UBL3: variants seen among roughly 807,000 people sequenced by gnomAD.
UBL3 encodes ubiquitin-like protein 3.
In UBL3, 6 loss-of-function variants were observed where a neutral mutation model predicts 18.4. That is an observed-to-expected ratio of 0.33 (90% confidence interval 0.18 to 0.64). UBL3 has a LOEUF of 0.64. UBL3 is among the 30% of genes least tolerant of loss of function. UBL3 has a pLI of 0.76. For synonymous variants in UBL3, 49 were observed against 46.6 expected (o/e 1.05, Z -0.21); for missense variants, 109 against 142.9 (o/e 0.76, Z 1.21).
chr13:29,810,070 T>C (rs1878003009), intron 1 of UBL3, among the ~76,000 whole-genome samples: 1 of 152,058 alleles, frequency 6.6e-6, no homozygotes. Context: ...ACTGTATATT[T>C]TAGGAGTAAA....
intron 1 of UBL3, among the ~76,000 whole-genome samples, chr13:29,837,460 T>C (rs1178377098): frequency 1.3e-5 from 2 of 151,724 alleles, no homozygotes; most frequent in African/African-American, 2.4e-5. Context: ...TGCTAGAAAA[T>C]CTCTAGGCTT....
At chr13:29,805,084 T>C (rs1261607505) in intron 1 of UBL3, among the ~76,000 whole-genome samples, 7 of 152,324 alleles carry the variant, frequency 4.6e-5, no homozygotes, top group Admixed American at 4.6e-4. Context: ...TTCAGAAATT[T>C]GGGACCATTT....
chr13:29,839,935 A>G (rs1469682985), intron 1 of UBL3, among the ~76,000 whole-genome samples: 1 of 147,564 alleles, frequency 6.8e-6, no homozygotes, highest in African/African-American at 2.5e-5. Flanking sequence ...TCGGGGGAAA[A>G]AAAAAAAAAA....
intron 1 of UBL3, 44 bp downstream of exon 1, chr13:29,849,467 TG>T (rs1419526014): frequency 1.2e-6 from 2 of 1,613,636 alleles, no homozygotes; most frequent in African/African-American, 2.7e-5. Flanking sequence ...TAAATAAGAT[TG>T]GAAACCACAA....
intron 1 of UBL3, among the ~76,000 whole-genome samples, chr13:29,796,145 GGCTGAA>G (rs2139328534): frequency 6.6e-6 from 1 of 152,226 alleles, no homozygotes; most frequent in Admixed American, 6.5e-5. Context: ...TTTGCTAAAA[GGCTGAA>G]GATGAGAGCT....
In UBL3 at chr13:29,816,754, C is replaced by CAA. The variant is rs57272367; in HGVS notation, c.27+32756_27+32757dup. Among the ~76,000 whole-genome samples, 266 of 42,560 alleles carry CAA rather than the reference C, an allele frequency of 6.3e-3. 10 individuals are homozygous for CAA. The highest frequency in any genetic ancestry group is 8.1e-3 in the Non-Finnish European group (152 of 18,656). 27.9% of individuals were successfully genotyped at this position (42,560 alleles called of 152,430 possible). ...TGGGTGACTGAGCAAGACCCTGTCT[C>CAA]AAAAAAAAAAAAAAAAAAAAAAAAA... is the stretch of plus-strand genomic sequence containing the variant. On this transcript the variant is annotated intron_variant, in intron 1 of 4. Transcript: ENST00000380680.
intron 1 of UBL3, among the ~76,000 whole-genome samples, chr13:29,780,390 A>ATATATG (rs755886113): frequency 7.4e-4 from 68 of 92,144 alleles, no homozygotes; most frequent in African/African-American, 1.3e-3. Context: ...ATATATATAT[A>ATATATG]TGTGTGTGTG....
intron 1 of UBL3, among the ~76,000 whole-genome samples, chr13:29,822,892 T>A (rs1417437523): frequency 6.6e-6 from 1 of 151,906 alleles, no homozygotes; most frequent in East Asian, 1.9e-4. Context: ...TTAGAACATT[T>A]CAAAATGAAT....
rs1877538989 is a variant in UBL3 at position 29,793,699 on chromosome 13, C to A, written c.28-16436G>T. 2.0e-5 allele frequency among the ~76,000 whole-genome samples: 3 copies of A among 152,108 alleles called. No individual in the cohort carries two copies. The South Asian group carries it at 6.2e-4, about 31-fold the overall frequency. ...ATGTGAGGGATGCCAGAAGTTGCTA[C>A]CATATATCAATGATAACTCAGAGTA... On this transcript the variant is annotated intron_variant, in intron 1 of 4. Transcript: ENST00000380680.
intron 1 of UBL3, among the ~76,000 whole-genome samples, chr13:29,826,768 T>A (rs1878631808): frequency 6.6e-6 from 1 of 152,194 alleles, no homozygotes; most frequent in Non-Finnish European, 1.5e-5. Context: ...TTCTTTTAAT[T>A]GTGATGTTAG....
chr13:29,819,788 C>T (rs2139348167), intron 1 of UBL3, among the ~76,000 whole-genome samples: 1 of 152,134 alleles, frequency 6.6e-6, no homozygotes. Context: ...ACCACCGCCC[C>T]CACCCCCAAG....
chr13:29,781,573 T>C (rs528728032), intron 1 of UBL3, among the ~76,000 whole-genome samples: 107 of 152,186 alleles, frequency 7.0e-4, no homozygotes, highest in African/African-American at 2.3e-3. Context: ...TTGTAATAAA[T>C]ACCGCTCTGG....
intron 3 of UBL3, among the ~76,000 whole-genome samples, chr13:29,769,244 C>G (rs986735523): frequency 8.5e-5 from 13 of 152,080 alleles, no homozygotes; most frequent in African/African-American, 3.1e-4. Flanking sequence ...AATGTCAAGA[C>G]AGGCCTGGAA....
intron 1 of UBL3, among the ~76,000 whole-genome samples, chr13:29,825,372 T>C (rs1878588695): frequency 6.6e-6 from 1 of 152,224 alleles, no homozygotes; most frequent in South Asian, 2.1e-4. Flanking sequence ...TCCTCTTTTA[T>C]TTCGTTGAGC....
intron 1 of UBL3, among the ~76,000 whole-genome samples, chr13:29,783,862 G>C (rs1376933740): frequency 6.6e-6 from 1 of 152,130 alleles, no homozygotes; most frequent in Non-Finnish European, 1.5e-5. Flanking sequence ...TATATACTTT[G>C]TGTACATACC....
At chr13:29,822,291 T>C (rs1029678878) in intron 1 of UBL3, among the ~76,000 whole-genome samples, 1 of 152,230 alleles carries the variant, frequency 6.6e-6, no homozygotes. Flanking sequence ...ACTACAGAGA[T>C]GTATACACAT....
chr13:29,785,454 A>G (rs1414636897), intron 1 of UBL3, among the ~76,000 whole-genome samples: 2 of 152,248 alleles, frequency 1.3e-5, no homozygotes, highest in Non-Finnish European at 2.9e-5. Flanking sequence ...ATAACATCAT[A>G]TTAAAACAGC....
intron 1 of UBL3, among the ~76,000 whole-genome samples, chr13:29,823,821 T>A (rs1283395848): frequency 6.6e-6 from 1 of 152,032 alleles, no homozygotes; most frequent in Non-Finnish European, 1.5e-5. Context: ...ACTCGTCATT[T>A]ACATTAGGTG....
At chr13:29,805,459 C>T (rs1388142996) in intron 1 of UBL3, among the ~76,000 whole-genome samples, 1 of 152,230 alleles carries the variant, frequency 6.6e-6, no homozygotes, top group Non-Finnish European at 1.5e-5. Flanking sequence ...TGTCTGTCCT[C>T]TGGGATGAAA....
Sources: allele counts gnomAD v4.1 joint callset (sites outside exome capture counted in the v4.1 genomes callset), GRCh38; gene constraint gnomAD v4.1.1; transcripts MANE v1.5; gene names NCBI Gene and HGNC (gene_info 2026-07-23, HGNC 2026-07-21).